The following SCRG1 variants were observed in gnomAD, a reference collection of about 807,000 sequenced individuals.
The protein encoded by SCRG1 is scrapie-responsive protein 1.
In SCRG1, 3 loss-of-function variants were observed where a neutral mutation model predicts 7.7. The observed-to-expected ratio is 0.39, with a 90% CI of 0.18 to 1.01. SCRG1 has a LOEUF of 1.01. Among genes scored for constraint, SCRG1 ranks in the 50% least tolerant of loss-of-function variants. The pLI, the probability that SCRG1 is intolerant of heterozygous loss-of-function variation, is 0.36. For missense variants in SCRG1, 110 were observed against 117.2 expected (o/e 0.94, Z 0.28); for synonymous variants, 46 against 41.2 (o/e 1.12, Z -0.44).
At chr4:173,403,231 T>C (rs1739807602), upstream of SCRG1, 1 of 152,098 alleles carries the variant, frequency 6.6e-6, no homozygotes, top group African/African-American at 2.4e-5. Context: ...GTAGCTGTTG[T>C]GTAAGAGGGT....
At chr4:173,390,947 G>T (rs77418753) in intron 2 of SCRG1, among the ~76,000 whole-genome samples, 3,382 of 152,182 alleles carry the variant, frequency 0.022, 124 homozygotes, top group African/African-American at 0.075. Flanking sequence ...TTATTTTCTG[G>T]ATTTAATTTA....
At chr4:173,445,289 A>G in the SCRG1 span, among the ~76,000 whole-genome samples, 1 of 152,188 alleles carries the variant, frequency 6.6e-6, no homozygotes, top group Non-Finnish European at 1.5e-5. Context: ...AATATAGAAA[A>G]TACTCATGCA....
At chr4:173,450,088 G>T in the SCRG1 span, among the ~76,000 whole-genome samples, 2 of 152,278 alleles carry the variant, frequency 1.3e-5, no homozygotes, top group South Asian at 2.1e-4. Context: ...CTGCATAGCT[G>T]GGGAGGCCTC....
At chr4:173,424,880 C>CAG in the SCRG1 span, among the ~76,000 whole-genome samples, 4 of 14,616 alleles carry the variant, frequency 2.7e-4, no homozygotes, top group Non-Finnish European at 2.0e-3. Flanking sequence ...GCTTGGGTGA[C>CAG]AGAGTGAGAC....
the SCRG1 span, among the ~76,000 whole-genome samples, chr4:173,504,837 G>A: frequency 1.5e-4 from 23 of 152,258 alleles, no homozygotes; most frequent in African/African-American, 5.5e-4. This position sits in a 1 kb window ranked among gnomAD's most constrained non-coding sequence, Gnocchi z 4.7. Context: ...CTTCCTCTAG[G>A]GGTTCCTAAA....
At chr4:173,510,405 T>G in the SCRG1 span, among the ~76,000 whole-genome samples, 1 of 145,580 alleles carries the variant, frequency 6.9e-6, no homozygotes, top group Non-Finnish European at 1.5e-5. This position sits in a 1 kb window ranked among gnomAD's most constrained non-coding sequence, Gnocchi z 5.7. Flanking sequence ...TCAACCCCAC[T>G]AGGACCCAGG....
the SCRG1 span, among the ~76,000 whole-genome samples, chr4:173,427,632 G>A: frequency 1.5e-4 from 23 of 152,204 alleles, no homozygotes; most frequent in Non-Finnish European, 2.1e-4. Context: ...AGCCTGGTAG[G>A]AGGAGCGCAG....
chr4:173,464,710 C>T, the SCRG1 span, among the ~76,000 whole-genome samples: 2 of 152,190 alleles, frequency 1.3e-5, no homozygotes, highest in Admixed American at 6.5e-5. Context: ...AACTTGAAAC[C>T]GCTAAATAAC....
At chr4:173,483,071 A>G in the SCRG1 span, among the ~76,000 whole-genome samples, 2 of 84,150 alleles carry the variant, frequency 2.4e-5, no homozygotes, top group Non-Finnish European at 4.5e-5. Context: ...TTTCATGTAT[A>G]TTTTATATAT....
At chr4:173,413,873 A>G in the SCRG1 span, among the ~76,000 whole-genome samples, 1 of 152,164 alleles carries the variant, frequency 6.6e-6, no homozygotes, top group Non-Finnish European at 1.5e-5. Flanking sequence ...AGTCTTCTCC[A>G]ATATCTGGAT....
At chr4:173,449,077 C>T in the SCRG1 span, among the ~76,000 whole-genome samples, 2 of 152,322 alleles carry the variant, frequency 1.3e-5, no homozygotes, top group East Asian at 1.9e-4. Flanking sequence ...CTCCAGTGTA[C>T]ATTTGGGAAC....
At chr4:173,496,284 C>A in the SCRG1 span, among the ~76,000 whole-genome samples, 1 of 150,352 alleles carries the variant, frequency 6.7e-6, no homozygotes, top group African/African-American at 2.5e-5. Flanking sequence ...ATGATGCAGG[C>A]AAAACTCAAT....
the SCRG1 span, among the ~76,000 whole-genome samples, chr4:173,417,592 C>T: frequency 6.6e-6 from 1 of 151,876 alleles, no homozygotes; most frequent in Non-Finnish European, 1.5e-5. Flanking sequence ...GTCTCCCTCC[C>T]TCCCTCCCTC....
chr4:173,507,276 G>A, the SCRG1 span, among the ~76,000 whole-genome samples: 2 of 152,122 alleles, frequency 1.3e-5, no homozygotes, highest in African/African-American at 4.8e-5. The surrounding 1 kb of genome is among the most constrained non-coding windows in gnomAD (Gnocchi z 4.4). Flanking sequence ...GTGTCTCGAT[G>A]TCGGCTCACT....
the SCRG1 span, among the ~76,000 whole-genome samples, chr4:173,453,692 C>T: frequency 6.6e-6 from 1 of 152,192 alleles, no homozygotes; most frequent in Non-Finnish European, 1.5e-5. Context: ...CTGTCGTTGA[C>T]TAAAACATCA....
the SCRG1 span, among the ~76,000 whole-genome samples, chr4:173,484,441 G>A: frequency 0.52 from 15,773 of 30,508 alleles, 4,114 homozygotes; most frequent in South Asian, 0.68. Context: ...ATATACATAT[G>A]ATATATAATA....
the SCRG1 span, among the ~76,000 whole-genome samples, chr4:173,455,102 C>T: frequency 1.4e-4 from 22 of 152,112 alleles, no homozygotes; most frequent in African/African-American, 4.3e-4. Flanking sequence ...TTGCATCACC[C>T]TCTGGGGGCC....
At chr4:173,423,680 A>AT in the SCRG1 span, among the ~76,000 whole-genome samples, 1 of 143,444 alleles carries the variant, frequency 7.0e-6, no homozygotes, top group Non-Finnish European at 1.5e-5. Context: ...TTTTTTTTTT[A>AT]TTTTTTCCTT....
At chr4:173,455,744 C>G in the SCRG1 span, among the ~76,000 whole-genome samples, 36 of 152,096 alleles carry the variant, frequency 2.4e-4, no homozygotes, top group Non-Finnish European at 5.0e-4. Context: ...AAAGCATTGT[C>G]TTTCATTGTG....
Sources: allele counts gnomAD v4.1 joint callset (sites outside exome capture counted in the v4.1 genomes callset), GRCh38; gene constraint gnomAD v4.1.1; non-coding constraint Gnocchi (gnomAD v3.1); transcripts MANE v1.5; gene names NCBI Gene and HGNC (gene_info 2026-07-23, HGNC 2026-07-21).